Variants in QTMAN observed in about 807,000 individuals in gnomAD.
The protein encoded by QTMAN is tRNA-queuosine alpha-mannosyltransferase.
At chr2:143,948,382 C>G in the QTMAN span, among the ~76,000 whole-genome samples, 2 of 152,086 alleles carry the variant, frequency 1.3e-5, no homozygotes, top group African/African-American at 2.4e-5. Context: ...GAGCTATCAC[C>G]TGAAAAATCT....
the QTMAN span, among the ~76,000 whole-genome samples, chr2:144,202,580 G>C: frequency 6.6e-6 from 1 of 152,000 alleles, no homozygotes; most frequent in Admixed American, 6.5e-5. Context: ...TATAGTCAGA[G>C]GTCTTTTATA....
chr2:144,330,566 C>T, the QTMAN span, among the ~76,000 whole-genome samples: 3 of 152,162 alleles, frequency 2.0e-5, no homozygotes, highest in Non-Finnish European at 4.4e-5. Context: ...TTCAAAAACA[C>T]TGGAAAGTAA....
At chr2:144,040,204 C>T in the QTMAN span, among the ~76,000 whole-genome samples, 1 of 152,052 alleles carries the variant, frequency 6.6e-6, no homozygotes, top group African/African-American at 2.4e-5. Flanking sequence ...TTTTTATATG[C>T]TTGCTTGTAG....
chr2:144,202,702 C>T, the QTMAN span, among the ~76,000 whole-genome samples: 1 of 152,026 alleles, frequency 6.6e-6, no homozygotes, highest in Admixed American at 6.5e-5. Context: ...AAACATCCAG[C>T]TTGTCTTTTA....
At chr2:144,058,706 TTCCAATTCTTG>T in the QTMAN span, among the ~76,000 whole-genome samples, 3 of 152,188 alleles carry the variant, frequency 2.0e-5, no homozygotes, top group African/African-American at 7.2e-5. Context: ...AAACTCCTAG[TTCCAATTCTTG>T]AGCTCAAAAC....
At chr2:144,094,049 A>G in the QTMAN span, among the ~76,000 whole-genome samples, 1 of 152,222 alleles carries the variant, frequency 6.6e-6, no homozygotes, top group Non-Finnish European at 1.5e-5. Flanking sequence ...AATGGTGATG[A>G]TCTACGTTGT....
chr2:144,149,661 C>T, the QTMAN span, among the ~76,000 whole-genome samples: 1 of 152,116 alleles, frequency 6.6e-6, no homozygotes, highest in African/African-American at 2.4e-5. Context: ...ATGCTGCAAG[C>T]ACATTAACAC....
the QTMAN span, among the ~76,000 whole-genome samples, chr2:144,163,778 AACTGTGGT>A: frequency 6.6e-6 from 1 of 152,176 alleles, no homozygotes; most frequent in African/African-American, 2.4e-5. Context: ...TTTAAACTAG[AACTGTGGT>A]TAAGGTCATG....
At chr2:144,049,006 T>G in the QTMAN span, among the ~76,000 whole-genome samples, 1 of 152,184 alleles carries the variant, frequency 6.6e-6, no homozygotes, top group Non-Finnish European at 1.5e-5. Flanking sequence ...ACACATGTTT[T>G]TAATAAACTT....
chr2:144,076,141 G>T, the QTMAN span, among the ~76,000 whole-genome samples: 317 of 152,294 alleles, frequency 2.1e-3, 1 homozygote, highest in Admixed American at 3.1e-3. Context: ...CAGCTACTTG[G>T]GAGGCTGAGG....
At chr2:144,064,157 A>C in the QTMAN span, among the ~76,000 whole-genome samples, 1 of 152,228 alleles carries the variant, frequency 6.6e-6, no homozygotes, top group Non-Finnish European at 1.5e-5. Context: ...CAAATTCCAA[A>C]GCCACAGTGA....
the QTMAN span, among the ~76,000 whole-genome samples, chr2:144,101,067 A>G: frequency 1.3e-5 from 2 of 151,432 alleles, no homozygotes; most frequent in Non-Finnish European, 2.9e-5. Context: ...ATGGGGTTTC[A>G]CCATGTTAGC....
At chr2:144,297,441 G>A in the QTMAN span, among the ~76,000 whole-genome samples, 1 of 151,782 alleles carries the variant, frequency 6.6e-6, no homozygotes. Context: ...TGACTTTTCT[G>A]GTCCCTCATA....
At chr2:144,109,166 A>G in the QTMAN span, among the ~76,000 whole-genome samples, 1 of 152,240 alleles carries the variant, frequency 6.6e-6, no homozygotes, top group African/African-American at 2.4e-5. Flanking sequence ...TACAGTAACC[A>G]AAACAGCATG....
the QTMAN span, among the ~76,000 whole-genome samples, chr2:144,012,390 G>A: frequency 6.6e-6 from 1 of 152,210 alleles, no homozygotes; most frequent in African/African-American, 2.4e-5. Context: ...TTTGAGAGCA[G>A]TTTTAAATGC....
chr2:143,940,552 AG>A, the QTMAN span: 1 of 152,240 alleles, frequency 6.6e-6, no homozygotes, highest in African/African-American at 2.4e-5. Flanking sequence ...TATGAATTAC[AG>A]TCTAATACCA....
the QTMAN span, among the ~76,000 whole-genome samples, chr2:143,983,775 G>A: frequency 8.3e-4 from 127 of 152,178 alleles, 1 homozygote; most frequent in African/African-American, 2.9e-3. Flanking sequence ...GCCCAGCCGA[G>A]GTTTTAATGT....
the QTMAN span, among the ~76,000 whole-genome samples, chr2:144,295,075 T>C: frequency 3.9e-5 from 6 of 152,364 alleles, no homozygotes; most frequent in South Asian, 6.2e-4. Flanking sequence ...ATATTTCATA[T>C]AAAGCATCTA....
chr2:144,234,719 A>G, the QTMAN span, among the ~76,000 whole-genome samples: 1,418 of 152,284 alleles, frequency 9.3e-3, 19 homozygotes, highest in African/African-American at 0.032. Flanking sequence ...ACATGGAGAC[A>G]TGGAGCATTT....
Sources: gnomAD v4.1 joint callset for allele counts (sites outside exome capture counted in the v4.1 genomes callset) on GRCh38, gnomAD v4.1.1 for gene constraint, MANE v1.5 for transcripts, NCBI Gene and HGNC (gene_info 2026-07-23, HGNC 2026-07-21) for gene names.